GUCY1A2: variants seen among roughly 807,000 people sequenced by gnomAD.
The protein encoded by GUCY1A2 is guanylate cyclase 1 soluble subunit alpha 2.
A neutral mutation model predicts 63.5 loss-of-function variants in GUCY1A2; 27 were observed. That is an observed-to-expected ratio of 0.43 (90% CI 0.31 to 0.59). The LOEUF is 0.59. GUCY1A2 is among the 20% of genes least tolerant of loss of function. GUCY1A2 has a pLI of 0.11. For missense variants in GUCY1A2, 768 were observed against 913.3 expected (o/e 0.84, Z 2.05); for synonymous variants, 364 against 343.5 (o/e 1.06, Z -0.66).
intron 4 of GUCY1A2, among the ~76,000 whole-genome samples, chr11:106,821,082 A>T (rs896116416): frequency 4.6e-5 from 7 of 152,188 alleles, no homozygotes; most frequent in African/African-American, 1.7e-4. Context: ...ATGTTCCATG[A>T]TTAGATGCCA....
chr11:106,773,930 T>C (rs1864304321), intron 6 of GUCY1A2, among the ~76,000 whole-genome samples: 1 of 152,228 alleles, frequency 6.6e-6, no homozygotes, highest in Non-Finnish European at 1.5e-5. Flanking sequence ...CAAAAAATCC[T>C]TCCCTACTTG....
At chr11:106,992,201 C>A (rs1196445204) in intron 1 of GUCY1A2, among the ~76,000 whole-genome samples, 1 of 151,672 alleles carries the variant, frequency 6.6e-6, no homozygotes, top group Non-Finnish European at 1.5e-5. Flanking sequence ...TTGCACCAAT[C>A]AAGTGAAATA....
intron 4 of GUCY1A2, among the ~76,000 whole-genome samples, chr11:106,907,713 T>G (rs569450873): frequency 6.6e-6 from 1 of 152,248 alleles, no homozygotes; most frequent in East Asian, 1.9e-4. Context: ...GTTTCATCCA[T>G]GTCCCTACAA....
chr11:106,872,681 T>C (rs1426510892), intron 4 of GUCY1A2, among the ~76,000 whole-genome samples: 1 of 152,208 alleles, frequency 6.6e-6, no homozygotes, highest in East Asian at 1.9e-4. Flanking sequence ...AATTGCTGCT[T>C]TGTGAACTCT....
intron 4 of GUCY1A2, among the ~76,000 whole-genome samples, chr11:106,828,057 T>C (rs1858998851): frequency 6.6e-6 from 1 of 152,166 alleles, no homozygotes; most frequent in Non-Finnish European, 1.5e-5. Context: ...TCTTTATTTT[T>C]TTTTCTTGTT....
At chr11:106,994,182 C>G (rs367981236) in intron 1 of GUCY1A2, among the ~76,000 whole-genome samples, 1 of 152,214 alleles carries the variant, frequency 6.6e-6, no homozygotes, top group East Asian at 1.9e-4. Flanking sequence ...GAAGTATGCT[C>G]TAATAGCAAA....
intron 6 of GUCY1A2, among the ~76,000 whole-genome samples, chr11:106,721,760 T>TCAAA (rs1863320726): frequency 6.6e-6 from 1 of 152,138 alleles, no homozygotes; most frequent in African/African-American, 2.4e-5. Context: ...ATGGCAAAAT[T>TCAAA]CAAACAATGA....
At chr11:106,847,839 A>G (rs958207864) in intron 4 of GUCY1A2, among the ~76,000 whole-genome samples, 2 of 151,710 alleles carry the variant, frequency 1.3e-5, no homozygotes, top group Non-Finnish European at 3.0e-5. Flanking sequence ...AAACACTAAA[A>G]GAAATAAGAA....
At chr11:106,781,925 C>A (rs911032412) in intron 5 of GUCY1A2, among the ~76,000 whole-genome samples, 3 of 152,078 alleles carry the variant, frequency 2.0e-5, no homozygotes, top group Non-Finnish European at 4.4e-5. Flanking sequence ...TCTTTTAGCT[C>A]CTAATTAAAT....
At position 106,727,757 on chromosome 11, in the gene GUCY1A2, G is replaced by A. The variant is rs146998891; in HGVS notation, c.1837-19091C>T. ...ATCTTGCCAATTTTGCCTTCTAAAT[G>A]TCTCCATATTTTCTGCTTTTCTCCA... On this transcript the variant is annotated intron_variant, in intron 6 of 7. Transcript: ENST00000526355. Among the ~76,000 whole-genome samples the A allele has an allele frequency of 2.0e-5, 3 of 152,240 alleles. No individual in the cohort carries two copies. In the East Asian group the frequency reaches 5.8e-4, roughly 29 times the overall value.
chr11:106,919,611 T>A (rs1214028339), intron 4 of GUCY1A2, among the ~76,000 whole-genome samples: 2 of 151,958 alleles, frequency 1.3e-5, no homozygotes, highest in Non-Finnish European at 2.9e-5. Context: ...GGTGAAGTGG[T>A]CAAGGAAGGA....
intron 6 of GUCY1A2, among the ~76,000 whole-genome samples, chr11:106,741,491 AGG>A (rs1863693228): frequency 1.7e-5 from 1 of 58,754 alleles, no homozygotes; most frequent in Non-Finnish European, 5.0e-5. Context: ...TCAAAGGAGA[AGG>A]AAGAAGGAAA....
At chr11:106,949,914 G>A (rs776258972) in intron 3 of GUCY1A2, among the ~76,000 whole-genome samples, 7 of 152,148 alleles carry the variant, frequency 4.6e-5, no homozygotes, top group Non-Finnish European at 7.4e-5. Context: ...ATGGATTAAT[G>A]AAAACAAATA....
intron 3 of GUCY1A2, among the ~76,000 whole-genome samples, chr11:106,975,973 A>G (rs1005292559): frequency 1.3e-5 from 2 of 152,212 alleles, no homozygotes; most frequent in Non-Finnish European, 2.9e-5. Context: ...AGTTGTTTAT[A>G]CTAAGTAGGT....
At chr11:106,991,277 C>T (rs988300295) in intron 1 of GUCY1A2, among the ~76,000 whole-genome samples, 2 of 152,072 alleles carry the variant, frequency 1.3e-5, no homozygotes, top group African/African-American at 2.4e-5. Context: ...GGATTACAGG[C>T]GTGAGCCACT....
At chr11:106,945,388 A>G (rs922572594) in intron 3 of GUCY1A2, among the ~76,000 whole-genome samples, 1 of 28,846 alleles carries the variant, frequency 3.5e-5, no homozygotes, top group Non-Finnish European at 6.4e-5. Context: ...AAAAAAACAA[A>G]AACAAAAAAA....
intron 6 of GUCY1A2, among the ~76,000 whole-genome samples, chr11:106,749,516 A>T (rs1211096673): frequency 1.3e-5 from 2 of 152,024 alleles, no homozygotes; most frequent in African/African-American, 2.4e-5. Flanking sequence ...GGCTTGTTCT[A>T]TACTGATCAC....
In GUCY1A2 at chr11:106,970,048, T is replaced by C. The variant is rs540055446; in HGVS notation, c.487+8571A>G. 9.8e-5 allele frequency among the ~76,000 whole-genome samples: 15 copies of C among 152,332 alleles called. No individual in the cohort carries two copies. The South Asian group carries it at 3.1e-3, about 32-fold the overall frequency. ...TCTAAGAAATTTGAGAATTTTGTTA[T>C]GAGAATGTATTGAGTAAAGGAGCTT... On this transcript the variant is annotated intron_variant, in intron 3 of 7. Coordinates refer to ENST00000526355, the MANE Select transcript of GUCY1A2 (RefSeq NM_000855.3).
chr11:106,707,442 T>A (rs953503351), intron 7 of GUCY1A2, among the ~76,000 whole-genome samples: 22 of 152,208 alleles, frequency 1.4e-4, no homozygotes, highest in South Asian at 1.0e-3. Context: ...ATTCCTACTA[T>A]ACATTTTTTT....
Sources: gnomAD v4.1 joint callset for allele counts (sites outside exome capture counted in the v4.1 genomes callset) on GRCh38, gnomAD v4.1.1 for gene constraint, MANE v1.5 for transcripts, NCBI Gene and HGNC (gene_info 2026-07-23, HGNC 2026-07-21) for gene names.